RBMS3: variants seen among roughly 807,000 people sequenced by gnomAD.
The protein encoded by RBMS3 is RNA-binding motif, single-stranded-interacting protein 3.
Under a neutral mutation model 66.8 loss-of-function variants are expected in RBMS3, and 27 were observed. The observed-to-expected ratio is 0.40, with a 90% CI of 0.30 to 0.56. The LOEUF (loss-of-function observed/expected upper bound fraction) is 0.56. RBMS3 is among the 20% of genes least tolerant of loss of function. The pLI is 0.40. For missense variants in RBMS3, 513 were observed against 549.5 expected, an observed-to-expected ratio of 0.93 and a Z score of 0.66; for synonymous variants, 188 against 183.0, an observed-to-expected ratio of 1.03 and a Z score of -0.22.
chr3:29,364,736 G>A (rs1053610250), intron 1 of RBMS3, among the ~76,000 whole-genome samples: 3 of 152,164 alleles, frequency 2.0e-5, no homozygotes, highest in African/African-American at 7.2e-5. Flanking sequence ...GTCTCATGCT[G>A]TGAAAGTCAT....
At chr3:29,608,685 T>TA (rs2048392207) in intron 4 of RBMS3, among the ~76,000 whole-genome samples, 1 of 151,966 alleles carries the variant, frequency 6.6e-6, no homozygotes, top group African/African-American at 2.4e-5. Flanking sequence ...ATAGTCAAGG[T>TA]AAAAATGAGG....
chr3:29,291,268 G>C (rs893075306), intron 1 of RBMS3, among the ~76,000 whole-genome samples: 7 of 151,910 alleles, frequency 4.6e-5, no homozygotes, highest in South Asian at 2.1e-4. Flanking sequence ...CATCTAAAAA[G>C]CTGGCCATAT....
At chr3:29,729,125 C>T (rs2054011561) in intron 4 of RBMS3, among the ~76,000 whole-genome samples, 1 of 151,138 alleles carries the variant, frequency 6.6e-6, no homozygotes, top group Non-Finnish European at 1.5e-5. Flanking sequence ...TAATGCTATC[C>T]CTCCCCTACC....
chr3:29,353,516 A>G (rs1314646624), intron 1 of RBMS3, among the ~76,000 whole-genome samples: 2 of 152,094 alleles, frequency 1.3e-5, no homozygotes, highest in African/African-American at 2.4e-5. Flanking sequence ...GCTTATAATT[A>G]GGTCTGTAGG....
intron 4 of RBMS3, among the ~76,000 whole-genome samples, chr3:29,587,979 C>T (rs977814054): frequency 1.3e-4 from 20 of 151,878 alleles, no homozygotes; most frequent in Non-Finnish European, 2.4e-4. Flanking sequence ...GATAAAGTAA[C>T]GTAGAACTAT....
intron 10 of RBMS3, among the ~76,000 whole-genome samples, chr3:29,918,649 T>C (rs1211219133): frequency 2.0e-5 from 3 of 152,136 alleles, no homozygotes; most frequent in African/African-American, 7.2e-5. Context: ...ATCAGATTAA[T>C]GATACTGTTT....
In RBMS3 at chr3:29,998,423, T is replaced by C. The variant is rs1315282814; in HGVS notation, c.1308-5433T>C. Among the ~76,000 whole-genome samples, 3 of 152,064 alleles carry C rather than the reference T, an allele frequency of 2.0e-5. No homozygotes were observed. The East Asian group carries it at 5.8e-4, about 29-fold the overall frequency. On this transcript the variant is annotated intron_variant, in intron 14 of 14. Coordinates refer to ENST00000383767, the MANE Select transcript of RBMS3 (RefSeq NM_001003793.3). ...AGAATTGGAAAAAACTACTTTAAAG[T>C]TCATATGGAACCAAAAAAGAGCCCA...
intron 6 of RBMS3, among the ~76,000 whole-genome samples, chr3:29,805,005 T>C (rs1271232823): frequency 6.6e-6 from 1 of 151,756 alleles, no homozygotes; most frequent in African/African-American, 2.4e-5. Context: ...ATGAGTTTAA[T>C]TCCCTATTCT....
In RBMS3 at chr3:29,936,129, A is replaced by G. The variant is rs778363329; in HGVS notation, c.983A>G (p.Gln328Arg). 6.2e-7 allele frequency: 1 copy of G among 1,613,380 alleles called. No individual in the cohort carries two copies. The change falls in exon 11 of 15, where the codon CAG (glutamine) becomes CGG (arginine). Residue 328 changes from glutamine (Q) to arginine (R), a missense_variant. By Grantham distance (43) the Gln-to-Arg change is conservative. Coordinates refer to ENST00000383767, the MANE Select transcript of RBMS3 (RefSeq NM_001003793.3). ...ACCATGGACCATCCCATGTCAATGC[A>G]GCCAGCCAACATGATGGGCCCACTG... ...TPTMDHPMSMQPANMMGPLTQ... is the reference protein window; with the variant it reads ...TPTMDHPMSMRPANMMGPLTQ...
chr3:29,646,251 A>C (rs1394968597), intron 4 of RBMS3, among the ~76,000 whole-genome samples: 1 of 152,212 alleles, frequency 6.6e-6, no homozygotes, highest in Non-Finnish European at 1.5e-5. Flanking sequence ...ATATTGCATA[A>C]AGTTCTGGTG....
At chr3:29,888,315 A>G (rs9864973) in intron 8 of RBMS3, among the ~76,000 whole-genome samples, 39,549 of 151,544 alleles carry the variant, frequency 0.26, 5,273 homozygotes, top group Admixed American at 0.29. Context: ...ATCTCATATT[A>G]TATTATCTAA....
At chr3:29,947,987 A>G (rs781529249) in intron 12 of RBMS3, among the ~76,000 whole-genome samples, 2 of 151,480 alleles carry the variant, frequency 1.3e-5, no homozygotes, top group Non-Finnish European at 3.0e-5. Flanking sequence ...TTAAAAAAGA[A>G]AAGAAAAACG....
chr3:29,294,542 C>CT (rs1001510332), intron 1 of RBMS3, among the ~76,000 whole-genome samples: 5 of 151,622 alleles, frequency 3.3e-5, no homozygotes, highest in African/African-American at 1.2e-4. Flanking sequence ...CAAAGACAAA[C>CT]TAAGTAGCTA....
chr3:29,926,119 C>G (rs1449840717), intron 10 of RBMS3, among the ~76,000 whole-genome samples: 1 of 152,218 alleles, frequency 6.6e-6, no homozygotes, highest in South Asian at 2.1e-4. Context: ...GTCTGTTACA[C>G]CAGGACATAT....
intron 2 of RBMS3, among the ~76,000 whole-genome samples, chr3:29,444,337 C>G (rs1450396548): frequency 6.6e-6 from 1 of 152,062 alleles, no homozygotes; most frequent in Non-Finnish European, 1.5e-5. Context: ...GGTCACACAG[C>G]TGGTAATTAG....
chr3:29,668,785 G>A (rs1327658827), intron 4 of RBMS3, among the ~76,000 whole-genome samples: 1 of 152,172 alleles, frequency 6.6e-6, no homozygotes, highest in Non-Finnish European at 1.5e-5. Flanking sequence ...CCTTTTGCCT[G>A]TGCTATTTTT....
intron 1 of RBMS3, among the ~76,000 whole-genome samples, chr3:29,288,619 T>A (rs1332071103): frequency 1.3e-5 from 2 of 152,074 alleles, no homozygotes; most frequent in African/African-American, 2.4e-5. Flanking sequence ...TGGTTATGCA[T>A]GTTTGGCTAA....
chr3:29,965,548 G>T (rs544386963), intron 12 of RBMS3, among the ~76,000 whole-genome samples: 1 of 151,962 alleles, frequency 6.6e-6, no homozygotes, highest in South Asian at 2.1e-4. Context: ...GTCTATTCAC[G>T]TCCTTGGCCC....
At chr3:29,561,716 GC>G (rs1340241460) in intron 3 of RBMS3, among the ~76,000 whole-genome samples, 1 of 152,144 alleles carries the variant, frequency 6.6e-6, no homozygotes, top group East Asian at 1.9e-4. Context: ...CTCCCAAAGT[GC>G]TAGGATTACA....
Sources: gnomAD v4.1 joint callset for allele counts (sites outside exome capture counted in the v4.1 genomes callset) on GRCh38, gnomAD v4.1.1 for gene constraint, MANE v1.5 for transcripts, NCBI Gene and HGNC (gene_info 2026-07-23, HGNC 2026-07-21) for gene names.